Variants in CCAR2 observed in about 807,000 individuals in gnomAD.
The protein encoded by CCAR2 is cell cycle and apoptosis regulator protein 2.
In CCAR2, 21 loss-of-function variants were observed where a neutral mutation model predicts 108.1. The observed-to-expected ratio is 0.19, with a 90% CI of 0.14 to 0.28. The LOEUF (loss-of-function observed/expected upper bound fraction) is 0.28, where lower values mean the gene tolerates loss of function less well. Among genes scored for constraint, CCAR2 ranks in the 10% least tolerant of loss-of-function variants. CCAR2 has a pLI of 1.00. For missense variants in CCAR2, 1,126 were observed against 1,177.0 expected (o/e 0.96, Z 0.63); for synonymous variants, 577 against 472.8 (o/e 1.22, Z -2.86).
chr8:22,619,192 A>G lies in CCAR2; in HGVS notation c.2564A>G (p.Lys855Arg). 3 of 1,594,382 alleles carry G rather than the reference A, an allele frequency of 1.9e-6. No homozygotes were observed. Among genetic ancestry groups the G allele is most frequent in the Non-Finnish European group, 2.6e-6 (3 of 1,170,584 alleles). Residue 855 changes from lysine to arginine, a missense_variant, in exon 20 of 21, where the codon AAG (lysine) becomes AGG (arginine). Around this residue, in one of 4 missense-constraint regions of CCAR2, gnomAD observed 1,013 missense variants for 993.9 expected, o/e 1.02. Transcript: ENST00000308511. ...NRFSATEVTN[K>R]TLAAEMQELR... Reference sequence around the variant, plus strand: ...TTCTCAGCCACTGAAGTAACCAATAAGACGCTGGCGGCAGAGATGCAGGAG... The same window carrying G: ...TTCTCAGCCACTGAAGTAACCAATAGGACGCTGGCGGCAGAGATGCAGGAG...
At position 22,617,665 on chromosome 8, in the gene CCAR2, C is replaced by CT. The variant is rs756148292; in HGVS notation, c.1991-30dup. On this transcript the variant is annotated intron_variant, in intron 15 of 20. Transcript: ENST00000308511. Reference sequence around the variant, plus strand: ...TTTGTACTGTGGAGTTGGGTGGGCCCTGCTCTCCATTTATCTTGGCCTTTC... The same window carrying CT: ...TTTGTACTGTGGAGTTGGGTGGGCCCTTGCTCTCCATTTATCTTGGCCTTTC... The CT allele has an allele frequency of 4.7e-5, 76 of 1,614,158 alleles. No individual in the cohort carries two copies. In the African/African-American group the frequency reaches 9.6e-4, roughly 20 times the overall value.
intron 1 of CCAR2, chr8:22,605,409 A>G (rs1801029890): frequency 5.0e-6 from 1 of 200,862 alleles, no homozygotes; most frequent in Non-Finnish European, 1.0e-5. Context: ...AGTTGTTGGG[A>G]GGCCTGGGTG....
chr8:22,614,567 A>G lies in CCAR2; in HGVS notation c.1041+64A>G. ...AATGTGCACAACCTGTCATGTTTTG[A>G]GTGTTCGGCTCCTGTTCCTGAATGC... On this transcript the variant is annotated intron_variant, in intron 10 of 20. Transcript: ENST00000308511. The G allele has an allele frequency of 3.5e-6, 5 of 1,431,418 alleles. No homozygotes were observed. In the South Asian group the frequency reaches 4.6e-5, roughly 13 times the overall value. 88.7% of individuals were successfully genotyped at this position (1,431,418 alleles called of 1,614,324 possible). A position where few individuals can be genotyped will look rare whatever the true frequency, so the allele number is the denominator to read the frequency against.
chr8:22,621,428 A>C, downstream of CCAR2: 1 of 1,613,078 alleles, frequency 6.2e-7, no homozygotes, highest in Non-Finnish European at 8.5e-7. Context: ...GGATTCAGTC[A>C]TCGGCCACAA....
chr8:22,618,316 T>G, intron 16 of CCAR2, 33 bp from the exon 17 acceptor site: 1 of 1,613,850 alleles, frequency 6.2e-7, no homozygotes, highest in Non-Finnish European at 8.5e-7. Context: ...GGGAACTATT[T>G]GCAAATCCTG....
In CCAR2 at chr8:22,616,249, G is replaced by T. The variant is rs199866302; in HGVS notation, c.1845+1G>T. The T allele has an allele frequency of 6.2e-7, 1 of 1,611,804 alleles. No individual in the cohort carries two copies. Among genetic ancestry groups the T allele is most frequent in the Non-Finnish European group, 8.5e-7 (1 of 1,179,752 alleles). Reference sequence around the variant, plus strand: ...GGCTACAGAGTCAGAGGCCCCGCTGGTGAGTACCCTGCCACCTCGGGCTGT... The same window carrying T: ...GGCTACAGAGTCAGAGGCCCCGCTGTTGAGTACCCTGCCACCTCGGGCTGT... On this transcript the variant is annotated splice_donor_variant, in intron 14 of 20. Coordinates refer to ENST00000308511, the MANE Select transcript of CCAR2 (RefSeq NM_001393997.1). LOFTEE classifies it high-confidence loss of function.
intron 16 of CCAR2, chr8:22,618,061 T>C (rs1801595635): frequency 1.7e-6 from 1 of 590,134 alleles, no homozygotes; most frequent in South Asian, 2.1e-5. Flanking sequence ...TTGGGCGTGA[T>C]GAACATCAGG....
rs200082141 is a variant in CCAR2 at position 22,606,709 on chromosome 8, G to A, written c.242+11G>A. On this transcript the variant is annotated intron_variant, in intron 4 of 20. Transcript: ENST00000308511. ...CTTTTTTCAGCTAAGGTAGGCTTGA[G>A]GTTGGTCCCCTAACGGAAATGCTTA... is the stretch of plus-strand genomic sequence containing the variant. The A allele has an allele frequency of 1.2e-6, 2 of 1,610,438 alleles. No individual in the cohort carries two copies. Among genetic ancestry groups the A allele is most frequent in the South Asian group, 2.2e-5 (2 of 90,918 alleles).
intron 7 of CCAR2, among the ~76,000 whole-genome samples, chr8:22,609,932 T>C (rs1243166304): frequency 6.6e-6 from 1 of 152,010 alleles, no homozygotes; most frequent in Non-Finnish European, 1.5e-5. Flanking sequence ...CAAAGTACTC[T>C]CAAATCGAGA....
chr8:22,618,241 T>G, intron 16 of CCAR2, 108 bp from the exon 17 acceptor site: 1 of 1,429,110 alleles, frequency 7.0e-7, no homozygotes, highest in Non-Finnish European at 9.7e-7. Flanking sequence ...CAGGCATGCA[T>G]CACTGCATGT....
At chr8:22,608,343 A>C (rs1170665734) in intron 7 of CCAR2, among the ~76,000 whole-genome samples, 4 of 152,224 alleles carry the variant, frequency 2.6e-5, no homozygotes, top group African/African-American at 7.2e-5. Flanking sequence ...TGTCATGTTG[A>C]GATACTTCTT....
Position 22,618,906 on chromosome 8 carries a change from C to T in CCAR2, c.2412C>T (p.Ser804=), listed in dbSNP as rs1191490232. Residue 804 remains serine, a synonymous_variant, in exon 19 of 21, where the codon TCC becomes TCT. Transcript: ENST00000308511. ...AAPTEHKALV[S]HNGSLINVGS... The stretch of plus-strand genomic sequence containing the variant: ...CCACAGAACACAAAGCCTTGGTGTC[C>T]CACAATGGCAGCCTGATTAACGTGG... 6.2e-7 allele frequency: 1 copy of T among 1,613,794 alleles called. No individual in the cohort carries two copies. The highest frequency in any genetic ancestry group is 1.3e-5 in the African/African-American group (1 of 74,960).
rs754983948 is a variant in CCAR2, at chr8:22,608,004, C to G, written c.523C>G (p.Leu175Val). ...CTTCCAAACATCCCACACACTTCAC[C>G]TGAGCCACCTGAACAGATTTCCTGC... Reference protein sequence around the residue: ...SLFQTSHTLHLSHLNRFPARG... With the variant: ...SLFQTSHTLHVSHLNRFPARG... Residue 175 changes from leucine (L) to valine (V), a missense_variant, in exon 7 of 21, where the codon CTG becomes GTG. Transcript: ENST00000308511. 1.6e-5 allele frequency: 26 copies of G among 1,613,978 alleles called. No homozygotes were observed. The highest frequency in any genetic ancestry group is 1.9e-5 in the Non-Finnish European group (22 of 1,180,030).
intron 7 of CCAR2, 167 bp from the exon 8 acceptor site, chr8:22,612,850 C>A (rs756663228): frequency 2.8e-6 from 2 of 702,044 alleles, no homozygotes; most frequent in South Asian, 2.3e-5. Flanking sequence ...CAGTAAATAT[C>A]CATTTTAATA....
chr8:22,618,189 C>T, intron 16 of CCAR2, 160 bp from the exon 17 acceptor site: 1 of 901,106 alleles, frequency 1.1e-6, no homozygotes, highest in Admixed American at 2.0e-5. Context: ...CTCCTGGGTT[C>T]AAGTGATTCT....
chr8:22,612,870 C>T (rs536211780), intron 7 of CCAR2, 147 bp from the exon 8 acceptor site: 1 of 836,196 alleles, frequency 1.2e-6, no homozygotes, highest in African/African-American at 1.7e-5. Flanking sequence ...ATCTTTATAA[C>T]ATTCTGTCAT....
chr8:22,616,459 C>T (rs1479346596), intron 14 of CCAR2: 2 of 587,418 alleles, frequency 3.4e-6, no homozygotes, highest in African/African-American at 1.9e-5. Flanking sequence ...CCTGACAGCA[C>T]AGAAACCCTT....
intron 14 of CCAR2, chr8:22,616,478 G>C: frequency 3.5e-6 from 2 of 572,174 alleles, no homozygotes; most frequent in Non-Finnish European, 6.2e-6. Flanking sequence ...TTGTCACTGA[G>C]AACGCTTGGC....
downstream of CCAR2, chr8:22,621,197 A>C: frequency 5.2e-6 from 3 of 575,018 alleles, no homozygotes; most frequent in Non-Finnish European, 9.1e-6. Context: ...AAAAGCCCCA[A>C]GGGTTTGTCT....
Sources: gnomAD v4.1 joint callset for allele counts (sites outside exome capture counted in the v4.1 genomes callset) on GRCh38, gnomAD v4.1.1 for gene constraint, gnomAD v4.1.1 regional missense constraint, MANE v1.5 for transcripts, NCBI Gene and HGNC (gene_info 2026-07-23, HGNC 2026-07-21) for gene names.